The following DLC1 variants were observed in gnomAD, a reference collection of about 807,000 sequenced individuals.
The protein encoded by DLC1 is rho GTPase-activating protein 7.
DLC1 carries 54 observed loss-of-function variants against 140.3 expected under a neutral mutation model. The observed-to-expected ratio is 0.38, with a 90% CI of 0.31 to 0.48. The LOEUF is 0.48. Ranked by LOEUF, DLC1 falls within the 20% of genes least tolerant of loss-of-function variation. DLC1 has a pLI of 0.96. For synonymous variants in DLC1, 986 were observed against 728.1 expected, an observed-to-expected ratio of 1.35 and a Z score of -5.70; for missense variants, 2,536 against 1,907.0, an observed-to-expected ratio of 1.33 and a Z score of -6.14.
intron 2 of DLC1, among the ~76,000 whole-genome samples, chr8:13,485,637 C>A (rs751503663): frequency 6.6e-6 from 1 of 152,152 alleles, no homozygotes; most frequent in Non-Finnish European, 1.5e-5. Flanking sequence ...AATGGAAAGA[C>A]GTATGTGAAA....
chr8:13,454,330 T>C (rs1422247478), intron 2 of DLC1, among the ~76,000 whole-genome samples: 3 of 152,030 alleles, frequency 2.0e-5, no homozygotes, highest in Non-Finnish European at 4.4e-5. Context: ...GAAACATCTC[T>C]TAGGGGAAAA....
At chr8:13,527,424 G>A (rs184233468) in intron 1 of DLC1, among the ~76,000 whole-genome samples, 3 of 152,112 alleles carry the variant, frequency 2.0e-5, no homozygotes, top group South Asian at 4.1e-4. Flanking sequence ...TTAGACAAAT[G>A]TTGCATTCCT....
chr8:13,136,119 G>A (rs12334589), intron 5 of DLC1, among the ~76,000 whole-genome samples: 81,028 of 152,060 alleles, frequency 0.53, 21,770 homozygotes, highest in Admixed American at 0.61. Context: ...TTAAGAGAAT[G>A]GTGGTTGAAA....
intron 2 of DLC1, among the ~76,000 whole-genome samples, chr8:13,483,657 G>C (rs1311411992): frequency 6.6e-6 from 1 of 152,152 alleles, no homozygotes; most frequent in East Asian, 1.9e-4. Context: ...GTAAAGTATG[G>C]GATGAGGAGA....
chr8:13,501,455 C>G (rs927462699), intron 1 of DLC1, among the ~76,000 whole-genome samples: 1 of 152,178 alleles, frequency 6.6e-6, no homozygotes, highest in Non-Finnish European at 1.5e-5. Context: ...TTAGTTTTTA[C>G]TTCACACGAG....
intron 5 of DLC1, among the ~76,000 whole-genome samples, chr8:13,239,917 A>C (rs182652622): frequency 1.3e-5 from 2 of 152,134 alleles, no homozygotes; most frequent in African/African-American, 2.4e-5. Context: ...AGGAGCTTGC[A>C]TTTCTGTAAT....
At chr8:13,214,557 CTTT>C (rs34727279) in intron 5 of DLC1, 2,652 of 570,892 alleles carry the variant, frequency 4.6e-3, no homozygotes, top group South Asian at 6.4e-3. Flanking sequence ...CCAACCCCAC[CTTT>C]TTTTTTTTTT....
chr8:13,554,062 T>C (rs1563437356), intron 1 of DLC1, among the ~76,000 whole-genome samples: 1 of 152,054 alleles, frequency 6.6e-6, no homozygotes, highest in Non-Finnish European at 1.5e-5. Flanking sequence ...TCATCACTTT[T>C]TGTTTGCTTG....
In DLC1 at chr8:13,191,313, C is replaced by T. The variant is rs1166221721; in HGVS notation, c.1349-75656G>A. On this transcript the variant is annotated intron_variant, in intron 5 of 17. Transcript: ENST00000276297. ...CCTGAGGTCAGCAGTTCAAGACCAG[C>T]CTGGCCAACATGGTGAAACTCCGTC... Among the ~76,000 whole-genome samples the T allele has an allele frequency of 2.0e-5, 3 of 152,232 alleles. No homozygotes were observed. In the East Asian group the frequency reaches 5.8e-4, roughly 30 times the overall value.
At chr8:13,545,002 G>A (rs1803607562) in intron 1 of DLC1, among the ~76,000 whole-genome samples, 1 of 152,136 alleles carries the variant, frequency 6.6e-6, no homozygotes, top group Non-Finnish European at 1.5e-5. Context: ...GTGCAGTACT[G>A]CAGCCCTGTC....
intron 2 of DLC1, among the ~76,000 whole-genome samples, chr8:13,437,280 G>A (rs751425069): frequency 3.3e-5 from 5 of 152,174 alleles, no homozygotes; most frequent in African/African-American, 4.8e-5. Flanking sequence ...GTGTATTTAA[G>A]GCCTGCTGCC....
In DLC1 at chr8:13,421,936, C is replaced by T. The variant is rs111270920; in HGVS notation, c.1024-20317G>A. 1.6e-3 allele frequency among the ~76,000 whole-genome samples: 244 copies of T among 152,184 alleles called. 2 individuals carry two copies. The highest frequency in any genetic ancestry group is 5.6e-3 in the African/African-American group (233 of 41,530). Reference sequence around the variant, plus strand: ...ATGAACTATGTACCCATGAAAGGGACCCATATGTTTCTATGGTTTTTAATT... The same window carrying T: ...ATGAACTATGTACCCATGAAAGGGATCCATATGTTTCTATGGTTTTTAATT... On this transcript the variant is annotated intron_variant, in intron 2 of 17. Coordinates refer to ENST00000276297, the MANE Select transcript of DLC1 (RefSeq NM_182643.3).
At chr8:13,097,398 G>C (rs1222667739) in intron 10 of DLC1, among the ~76,000 whole-genome samples, 1 of 151,990 alleles carries the variant, frequency 6.6e-6, no homozygotes, top group Non-Finnish European at 1.5e-5. Context: ...TGAGTAGATG[G>C]GATTACAGGT....
chr8:13,267,174 A>C (rs2117360971), intron 5 of DLC1, among the ~76,000 whole-genome samples: 1 of 152,352 alleles, frequency 6.6e-6, no homozygotes, highest in East Asian at 1.9e-4. Context: ...TTAGTGTCCA[A>C]AGACGGTCTT....
At chr8:13,464,002 A>G (rs1191100525) in intron 2 of DLC1, among the ~76,000 whole-genome samples, 1 of 152,238 alleles carries the variant, frequency 6.6e-6, no homozygotes, top group East Asian at 1.9e-4. Flanking sequence ...GAGCACAGTG[A>G]AAAGTTTTCC....
At chr8:13,134,310 T>C (rs534269323) in intron 5 of DLC1, among the ~76,000 whole-genome samples, 2 of 152,316 alleles carry the variant, frequency 1.3e-5, no homozygotes, top group Admixed American at 1.3e-4. Context: ...CTAAACTCAT[T>C]CATTCAACAA....
chr8:13,185,188 C>A lies in DLC1; in HGVS notation c.1349-69531G>T, dbSNP rs1205252084. 3.6e-5 allele frequency among the ~76,000 whole-genome samples: 5 copies of A among 139,272 alleles called. No homozygotes were observed. In the Admixed American group the frequency reaches 3.8e-4, roughly 11 times the overall value. 91.4% of individuals were successfully genotyped at this position (139,272 alleles called of 152,430 possible). A position where few individuals can be genotyped will look rare whatever the true frequency, so the allele number is the denominator to read the frequency against. ...TCTTCCTCCATCCCTTTATTTTGAG[C>A]CTATATGTGTCTTTGCATGCGAGAT... On this transcript the variant is annotated intron_variant, in intron 5 of 17. Transcript: ENST00000276297.
At chr8:13,474,341 A>G (rs1264191832) in intron 2 of DLC1, among the ~76,000 whole-genome samples, 1 of 152,196 alleles carries the variant, frequency 6.6e-6, no homozygotes, top group Non-Finnish European at 1.5e-5. Context: ...TAGATTTCAG[A>G]GGATGTATGG....
chr8:13,112,828 T>G (rs1231328110), intron 6 of DLC1, among the ~76,000 whole-genome samples: 1 of 152,180 alleles, frequency 6.6e-6, no homozygotes, highest in African/African-American at 2.4e-5. Context: ...ATTACAGGCA[T>G]GAGCCACCAT....
Sources: allele counts gnomAD v4.1 joint callset (sites outside exome capture counted in the v4.1 genomes callset), GRCh38; gene constraint gnomAD v4.1.1; transcripts MANE v1.5; gene names NCBI Gene and HGNC (gene_info 2026-07-23, HGNC 2026-07-21).